The following ZNF24 variants were observed in gnomAD, a reference collection of about 807,000 sequenced individuals.
The protein encoded by ZNF24 is retinoic acid suppression protein A.
Under a neutral mutation model 40.9 loss-of-function variants are expected in ZNF24, and 11 were observed. That is an observed-to-expected ratio of 0.27 (90% CI 0.17 to 0.45). ZNF24 has a LOEUF of 0.45. Ranked by LOEUF, ZNF24 falls within the 20% of genes least tolerant of loss-of-function variation. The pLI, the probability that ZNF24 is intolerant of heterozygous loss-of-function variation, is 1.00. For missense variants in ZNF24, 293 were observed against 437.7 expected (o/e 0.67, Z 2.95); for synonymous variants, 139 against 154.7 (o/e 0.90, Z 0.75).
chr18:35,340,418 C>T lies in ZNF24; in HGVS notation c.233G>A (p.Arg78His), dbSNP rs755190883. The T allele has an allele frequency of 9.3e-6, 15 of 1,614,248 alleles. No homozygotes were observed. Among genetic ancestry groups the T allele is most frequent in the East Asian group, 8.9e-5 (4 of 44,884 alleles). ...GTGCGTCTCTGGCCTGAGCCACAGA[C>T]GGCAAAGTTCTCGGAGCTGGCTCAC... Reference protein sequence around the residue: ...EAVSQLRELCRLWLRPETHTK... With the variant: ...EAVSQLRELCHLWLRPETHTK... Residue 78 changes from arginine to histidine, a missense_variant, in exon 2 of 4, where the codon CGT (arginine) becomes CAT (histidine). Physicochemically the swap from Arg to His is conservative, Grantham distance 29. Coordinates refer to ENST00000261332, the MANE Select transcript of ZNF24 (RefSeq NM_006965.4). This position sits in a 1 kb window ranked among gnomAD's most constrained non-coding sequence, Gnocchi z 4.6.
chr18:35,343,982 C>T (rs1477388095), intron 1 of ZNF24: 1 of 152,426 alleles, frequency 6.6e-6, no homozygotes, highest in African/African-American at 2.4e-5. Flanking sequence ...CGCCTGCGGC[C>T]GGTGAGACTA....
rs1458603338 is a variant in ZNF24 at position 35,340,745 on chromosome 18, G to T, written c.-83-12C>A. 3 of 1,111,602 alleles carry T rather than the reference G, an allele frequency of 2.7e-6. No homozygotes were observed. Among genetic ancestry groups the T allele is most frequent in the African/African-American group, 1.6e-5 (1 of 63,718 alleles). The allele number at this position is 1,111,602 out of a possible 1,614,324, so 68.9% of individuals were successfully genotyped here. A position where few individuals can be genotyped will look rare whatever the true frequency, so the allele number is the denominator to read the frequency against. ...CTTCACAGGCACTCCTGAGGCATAA[G>T]AAATAAAAGATATATAAATAAGCAA... is the stretch of plus-strand genomic sequence containing the variant. On this transcript the variant is annotated splice_polypyrimidine_tract_variant and intron_variant, in intron 1 of 3. Coordinates refer to ENST00000261332, the MANE Select transcript of ZNF24 (RefSeq NM_006965.4). This position sits in a 1 kb window ranked among gnomAD's most constrained non-coding sequence, Gnocchi z 4.6.
intron 3 of ZNF24, chr18:35,338,512 C>T (rs779961730): frequency 2.8e-5 from 28 of 985,624 alleles, no homozygotes; most frequent in South Asian, 4.7e-5. Context: ...ATCACTCACA[C>T]GCAGGCAGAG....
In ZNF24 at chr18:35,340,228, C is replaced by A; in HGVS notation, c.420+3G>T. ...ACACAGGAAATGACACAAGCAGGCT[C>A]ACCGGTTGTCCAGGGTCATCAAGTT... On this transcript the variant is annotated splice_donor_region_variant and intron_variant, in intron 2 of 3. Transcript: ENST00000261332. This position sits in a 1 kb window ranked among gnomAD's most constrained non-coding sequence, Gnocchi z 4.6. The A allele has an allele frequency of 2.5e-6, 4 of 1,609,026 alleles. No individual in the cohort carries two copies. The highest frequency in any genetic ancestry group is 3.4e-6 in the Non-Finnish European group (4 of 1,175,716).
At chr18:35,343,273 TA>T (rs2044985799) in intron 1 of ZNF24, among the ~76,000 whole-genome samples, 1 of 152,192 alleles carries the variant, frequency 6.6e-6, no homozygotes, top group African/African-American at 2.4e-5. Context: ...TGATAGGCAT[TA>T]ATCACAGAAA....
chr18:35,333,127 T>C lies in ZNF24; in HGVS notation c.*4105A>G, dbSNP rs2044872939. ...TACTGGACTCCAGACTAAAGAAATA[T>C]TCACACACATGCACAAAGACATCTG... On this transcript the variant is annotated 3_prime_UTR_variant, in exon 4 of 4. Coordinates refer to ENST00000261332, the MANE Select transcript of ZNF24 (RefSeq NM_006965.4). The C allele has an allele frequency of 6.6e-6, 1 of 152,088 alleles. No homozygotes were observed. 9.4% of individuals were successfully genotyped at this position (152,088 alleles called of 1,614,324 possible).
rs990719718 is a variant in ZNF24 at position 35,334,354 on chromosome 18, A to T, written c.*2878T>A. 1 of 152,186 alleles carries T rather than the reference A, an allele frequency of 6.6e-6. No homozygotes were observed. The highest frequency in any genetic ancestry group is 2.4e-5 in the African/African-American group (1 of 41,444). The allele number at this position is 152,186 out of a possible 1,614,324, so 9.4% of individuals were successfully genotyped here. A position where few individuals can be genotyped will look rare whatever the true frequency, so the allele number is the denominator to read the frequency against. ...CTCTAGGCCACATGCAAGTCACATG[A>T]TCTCTGAATCTTGCTTTCCTAGTCC... On this transcript the variant is annotated 3_prime_UTR_variant, in exon 4 of 4. Transcript: ENST00000261332.
Position 35,333,491 on chromosome 18 carries a change from A to G in ZNF24, c.*3741T>C, listed in dbSNP as rs1160381216. On this transcript the variant is annotated 3_prime_UTR_variant, in exon 4 of 4. Transcript: ENST00000261332. ...GAGAAGGTAGTCATTAGACTTTCAT[A>G]ATTAAAAAAAGGAAAATGGGCAAAA... 1 of 152,204 alleles carries G rather than the reference A, an allele frequency of 6.6e-6. No homozygotes were observed. Among genetic ancestry groups the G allele is most frequent in the East Asian group, 1.9e-4 (1 of 5,200 alleles). 9.4% of individuals were successfully genotyped at this position (152,204 alleles called of 1,614,324 possible).
Position 35,332,304 on chromosome 18 carries a change from AAATC to A in ZNF24, c.*4924_*4927del, listed in dbSNP as rs1467714128. The A allele has an allele frequency of 6.6e-5, 10 of 152,244 alleles. No homozygotes were observed. Among genetic ancestry groups the A allele is most frequent in the East Asian group, 3.8e-4 (2 of 5,200 alleles). The allele number at this position is 152,244 out of a possible 1,614,324, so 9.4% of individuals were successfully genotyped here. ...ATTTAAAATTACAAAGGTTTTCTAC[AAATC>A]AATAAGAAAATACAAATAACCTATA... On this transcript the variant is annotated 3_prime_UTR_variant, in exon 4 of 4. Transcript: ENST00000261332.
Position 35,337,114 on chromosome 18 carries a change from TG to T in ZNF24, c.*117del. 1.3e-6 allele frequency: 1 copy of T among 798,624 alleles called. No individual in the cohort carries two copies. Among genetic ancestry groups the T allele is most frequent in the Non-Finnish European group, 1.8e-6 (1 of 566,732 alleles). 49.5% of individuals were successfully genotyped at this position (798,624 alleles called of 1,614,324 possible). A position where few individuals can be genotyped will look rare whatever the true frequency, so the allele number is the denominator to read the frequency against. ...GAGTGAAGATTTTTACATTTCCCAG[TG>T]GATTTTCTGACAGTCAATAGGGAAA... On this transcript the variant is annotated 3_prime_UTR_variant, in exon 4 of 4. Coordinates refer to ENST00000261332, the MANE Select transcript of ZNF24 (RefSeq NM_006965.4).
chr18:35,335,634 A>G lies in ZNF24; in HGVS notation c.*1598T>C, dbSNP rs934681548. ...ATAAAAAAGCCTCCTCTCATATTCT[A>G]TATTTTAACTTCCAGAGTTTTCCAC... On this transcript the variant is annotated 3_prime_UTR_variant, in exon 4 of 4. Coordinates refer to ENST00000261332, the MANE Select transcript of ZNF24 (RefSeq NM_006965.4). 3 of 152,166 alleles carry G rather than the reference A, an allele frequency of 2.0e-5. No homozygotes were observed. Among genetic ancestry groups the G allele is most frequent in the Admixed American group, 1.3e-4 (2 of 15,268 alleles). 9.4% of individuals were successfully genotyped at this position (152,166 alleles called of 1,614,324 possible).
intron 1 of ZNF24, chr18:35,343,656 T>C: frequency 6.6e-6 from 1 of 152,346 alleles, no homozygotes; most frequent in East Asian, 1.9e-4. Flanking sequence ...CTAGCCAACA[T>C]TCATTCGTTC....
rs1025011930 is a variant in ZNF24 at position 35,332,990 on chromosome 18, T to G, written c.*4242A>C. 6.6e-6 allele frequency: 1 copy of G among 152,060 alleles called. No individual in the cohort carries two copies. The highest frequency in any genetic ancestry group is 2.4e-5 in the African/African-American group (1 of 41,412). 9.4% of individuals were successfully genotyped at this position (152,060 alleles called of 1,614,324 possible). On this transcript the variant is annotated 3_prime_UTR_variant, in exon 4 of 4. Coordinates refer to ENST00000261332, the MANE Select transcript of ZNF24 (RefSeq NM_006965.4). ...TAAAAACTATCAAGTGTAGGTATGG[T>G]TATATGGGGAAATGAACATTCTCCA...
intron 3 of ZNF24, chr18:35,338,504 C>CA (rs1395647897): frequency 1.0e-6 from 1 of 985,560 alleles, no homozygotes; most frequent in Non-Finnish European, 1.2e-6. Flanking sequence ...GGGTTAGCAT[C>CA]ACTCACACGC....
chr18:35,338,728 G>A (rs1322811088), intron 3 of ZNF24: 97 of 1,173,812 alleles, frequency 8.3e-5, no homozygotes, highest in Non-Finnish European at 9.4e-5. Context: ...AAAAACAGAG[G>A]AGCGTGAAGA....
rs2044896382 is a variant in ZNF24, at chr18:35,335,344, CATT to C, written c.*1885_*1887del. 1 of 152,194 alleles carries C rather than the reference CATT, an allele frequency of 6.6e-6. No individual in the cohort carries two copies. The highest frequency in any genetic ancestry group is 1.5e-5 in the Non-Finnish European group (1 of 68,030). 9.4% of individuals were successfully genotyped at this position (152,194 alleles called of 1,614,324 possible). ...TTGTATAACTTAAAATACATTATATCATTACTACATATTTATACTTCAATAAAT... is the reference window on the plus strand; with the variant it reads ...TTGTATAACTTAAAATACATTATATCACTACATATTTATACTTCAATAAAT... On this transcript the variant is annotated 3_prime_UTR_variant, in exon 4 of 4. Coordinates refer to ENST00000261332, the MANE Select transcript of ZNF24 (RefSeq NM_006965.4).
intron 3 of ZNF24, chr18:35,338,288 T>C: frequency 4.1e-6 from 4 of 985,486 alleles, no homozygotes; most frequent in Non-Finnish European, 4.8e-6. Flanking sequence ...ACAGGAGTCT[T>C]GACAAGAAGG....
At chr18:35,342,263 T>C (rs1488955365) in intron 1 of ZNF24, among the ~76,000 whole-genome samples, 3 of 152,076 alleles carry the variant, frequency 2.0e-5, no homozygotes. Context: ...TACAATGTGT[T>C]TGTATTTTAA....
At chr18:35,338,122 C>T in intron 3 of ZNF24, 1 of 948,360 alleles carries the variant, frequency 1.1e-6, no homozygotes, top group Non-Finnish European at 1.3e-6. Context: ...TAAAATTGGC[C>T]ACTAGGAAAT....
Sources: allele counts gnomAD v4.1 joint callset (sites outside exome capture counted in the v4.1 genomes callset), GRCh38; gene constraint gnomAD v4.1.1; non-coding constraint Gnocchi (gnomAD v3.1); transcripts MANE v1.5; gene names NCBI Gene and HGNC (gene_info 2026-07-23, HGNC 2026-07-21).